The following CERS6 variants were observed in gnomAD, a reference collection of about 807,000 sequenced individuals.
The protein encoded by CERS6 is LAG1 homolog, ceramide synthase 6.
Under a neutral mutation model 56.8 loss-of-function variants are expected in CERS6, and 26 were observed. That is an observed-to-expected ratio of 0.46 (90% confidence interval 0.34 to 0.63). The LOEUF (loss-of-function observed/expected upper bound fraction) is 0.63, where lower values mean the gene tolerates loss of function less well. Among genes scored for constraint, CERS6 ranks in the 30% least tolerant of loss-of-function variants. CERS6 has a pLI of 0.01. For missense variants in CERS6, 415 were observed against 467.5 expected (o/e 0.89, Z 1.04); for synonymous variants, 164 against 173.3 (o/e 0.95, Z 0.42).
intron 1 of CERS6, among the ~76,000 whole-genome samples, chr2:168,512,148 G>C (rs1337966464): frequency 6.6e-6 from 1 of 152,178 alleles, no homozygotes; most frequent in Non-Finnish European, 1.5e-5. Flanking sequence ...TAGAGACAGA[G>C]AGTAGAATGC....
chr2:168,756,275 CT>C (rs1252782727), intron 8 of CERS6, among the ~76,000 whole-genome samples: 1 of 152,184 alleles, frequency 6.6e-6, no homozygotes, highest in Admixed American at 6.5e-5. Flanking sequence ...CTTATCTATC[CT>C]TTTCTTAAAG....
At chr2:168,743,662 A>G (rs1416907470) in intron 8 of CERS6, among the ~76,000 whole-genome samples, 2 of 152,238 alleles carry the variant, frequency 1.3e-5, no homozygotes, top group African/African-American at 4.8e-5. Context: ...AGGAAACTTG[A>G]TGGTACTGAC....
At position 168,561,298 on chromosome 2, in the gene CERS6, C is replaced by A; in HGVS notation, c.383C>A (p.Thr128Lys). 1 of 1,614,114 alleles carries A rather than the reference C, an allele frequency of 6.2e-7. No individual in the cohort carries two copies. Among genetic ancestry groups the A allele is most frequent in the Non-Finnish European group, 8.5e-7 (1 of 1,179,976 alleles). ...RQRRNQEKPS[T>K]LTRFCESMWR... ...AGACGCAATCAGGAGAAGCCAAGCA[C>A]GCTGACGAGGTTCTGTGAGAGCATG... The change falls in exon 3 of 10, where the codon ACG becomes AAG. Residue 128 changes from threonine to lysine, a missense_variant. By Grantham distance (78) the Thr-to-Lys change is moderately conservative. Transcript: ENST00000305747.
chr2:168,590,208 GGA>G (rs1183159875), intron 3 of CERS6, among the ~76,000 whole-genome samples: 11 of 152,198 alleles, frequency 7.2e-5, no homozygotes, highest in African/African-American at 2.7e-4. Flanking sequence ...AACTAGGAGA[GGA>G]TATGGTCATA....
chr2:168,614,605 C>T (rs952528782), intron 3 of CERS6, among the ~76,000 whole-genome samples: 8 of 152,132 alleles, frequency 5.3e-5, no homozygotes, highest in Non-Finnish European at 1.0e-4. Context: ...GGCTTTCCCC[C>T]ACTTCCCTGA....
At chr2:168,651,847 T>C (rs1685349995) in intron 4 of CERS6, among the ~76,000 whole-genome samples, 1 of 152,200 alleles carries the variant, frequency 6.6e-6, no homozygotes. Flanking sequence ...TAAGCCCTCA[T>C]CACTTTTTCC....
At chr2:168,561,414 G>A in intron 3 of CERS6, 92 bp downstream of exon 3, 1 of 1,430,604 alleles carries the variant, frequency 7.0e-7, no homozygotes. Flanking sequence ...GGCTTCAGCA[G>A]CCCTTAAAAA....
chr2:168,508,178 G>C (rs1694714772), intron 1 of CERS6, among the ~76,000 whole-genome samples: 1 of 152,142 alleles, frequency 6.6e-6, no homozygotes, highest in South Asian at 2.1e-4. Context: ...CCAGAGTTTG[G>C]AAAACATTGA....
At chr2:168,749,732 G>C (rs1326805625) in intron 8 of CERS6, among the ~76,000 whole-genome samples, 1 of 152,208 alleles carries the variant, frequency 6.6e-6, no homozygotes, top group South Asian at 2.1e-4. Context: ...AAACTCACCT[G>C]ATGCAGGGCA....
At chr2:168,739,124 G>A (rs1365280544) in intron 8 of CERS6, among the ~76,000 whole-genome samples, 1 of 130,650 alleles carries the variant, frequency 7.7e-6, no homozygotes, top group African/African-American at 3.0e-5. Context: ...TCCCAGGCTG[G>A]TCTCAAATTC....
chr2:168,765,388 C>T (rs560160014), intron 8 of CERS6, among the ~76,000 whole-genome samples: 2 of 152,196 alleles, frequency 1.3e-5, no homozygotes, highest in South Asian at 4.2e-4. Flanking sequence ...TATTAATTAA[C>T]CTAAAACCAA....
chr2:168,746,900 A>G (rs1684124415), intron 8 of CERS6, among the ~76,000 whole-genome samples: 1 of 148,880 alleles, frequency 6.7e-6, no homozygotes, highest in South Asian at 2.1e-4. Context: ...AAGAATACAT[A>G]CTCATTAGAG....
intron 8 of CERS6, among the ~76,000 whole-genome samples, chr2:168,735,698 A>G (rs1683693688): frequency 6.6e-6 from 1 of 151,538 alleles, no homozygotes; most frequent in Non-Finnish European, 1.5e-5. Flanking sequence ...CAACATAGTG[A>G]GGCCCCATCT....
intron 4 of CERS6, among the ~76,000 whole-genome samples, chr2:168,672,579 G>A (rs1685949332): frequency 6.6e-6 from 1 of 152,150 alleles, no homozygotes; most frequent in Non-Finnish European, 1.5e-5. Flanking sequence ...TGGCTACTTG[G>A]CCATCTAGTT....
At chr2:168,483,116 T>A (rs1694206793) in intron 1 of CERS6, among the ~76,000 whole-genome samples, 1 of 152,204 alleles carries the variant, frequency 6.6e-6, no homozygotes, top group Admixed American at 6.5e-5. Context: ...GGTTAACATT[T>A]ATTGTAGCTG....
intron 4 of CERS6, among the ~76,000 whole-genome samples, chr2:168,683,044 A>G (rs1686260343): frequency 6.6e-6 from 1 of 152,230 alleles, no homozygotes; most frequent in African/African-American, 2.4e-5. Context: ...TAAATAATAA[A>G]TGCTAAGTCA....
At chr2:168,688,555 TC>T (rs1392752339) in intron 4 of CERS6, among the ~76,000 whole-genome samples, 1 of 152,312 alleles carries the variant, frequency 6.6e-6, no homozygotes, top group Admixed American at 6.5e-5. Context: ...AGATATTTGT[TC>T]CACTGTCTCA....
chr2:168,569,931 G>C (rs1023245317), intron 3 of CERS6, among the ~76,000 whole-genome samples: 1 of 152,160 alleles, frequency 6.6e-6, no homozygotes, highest in African/African-American at 2.4e-5. Context: ...CCATGGTATG[G>C]GGGTAGTGAG....
At chr2:168,525,988 G>A (rs1050113899) in intron 1 of CERS6, among the ~76,000 whole-genome samples, 1 of 152,180 alleles carries the variant, frequency 6.6e-6, no homozygotes, top group African/African-American at 2.4e-5. Flanking sequence ...AATTTTGAGA[G>A]TTTAATACCA....
Sources: allele counts gnomAD v4.1 joint callset (sites outside exome capture counted in the v4.1 genomes callset), GRCh38; gene constraint gnomAD v4.1.1; transcripts MANE v1.5; gene names NCBI Gene and HGNC (gene_info 2026-07-23, HGNC 2026-07-21).